The following GRID2 variants were observed in gnomAD, a reference collection of about 807,000 sequenced individuals.
GRID2 encodes the protein glutamate ionotropic receptor delta type subunit 2, also known as glutamate receptor ionotropic, delta-2.
GRID2 carries 33 observed loss-of-function variants against 114.8 expected under a neutral mutation model. The ratio of observed to expected loss-of-function variants is 0.29; its 90% confidence interval spans 0.22 to 0.38. GRID2 has a LOEUF of 0.38. Ranked by LOEUF, GRID2 falls within the 10% of genes least tolerant of loss-of-function variation. The probability of loss-of-function intolerance (pLI) is 1.00; values close to 1 mark genes in which losing one functional copy is unlikely to be tolerated. For missense variants in GRID2, 1,184 were observed against 1,257.7 expected, an observed-to-expected ratio of 0.94 and a Z score of 0.89; for synonymous variants, 505 against 449.9, an observed-to-expected ratio of 1.12 and a Z score of -1.55.
chr4:92,422,907 T>G (rs111402188), intron 1 of GRID2, among the ~76,000 whole-genome samples: 6,536 of 152,258 alleles, frequency 0.043, 153 homozygotes, highest in South Asian at 0.08. Flanking sequence ...TAGTTCAGCA[T>G]ACGCCCAGGA....
chr4:93,075,487 G>A (rs1479852680), intron 2 of GRID2, among the ~76,000 whole-genome samples: 1 of 151,942 alleles, frequency 6.6e-6, no homozygotes, highest in Non-Finnish European at 1.5e-5. Flanking sequence ...AATAAGGCAT[G>A]GAAAAGAAAT....
At chr4:93,422,235 A>G (rs1199219547) in intron 9 of GRID2, among the ~76,000 whole-genome samples, 1 of 152,206 alleles carries the variant, frequency 6.6e-6, no homozygotes, top group African/African-American at 2.4e-5. Context: ...TATTTTTCCA[A>G]TGAAATGTGT....
chr4:93,692,600 G>C (rs1726666162), intron 14 of GRID2, among the ~76,000 whole-genome samples: 1 of 151,836 alleles, frequency 6.6e-6, no homozygotes, highest in Non-Finnish European at 1.5e-5. Context: ...TGTATACTTA[G>C]CCTCATATCA....
At chr4:93,003,780 ACT>A (rs1205918949) in intron 2 of GRID2, among the ~76,000 whole-genome samples, 2 of 151,894 alleles carry the variant, frequency 1.3e-5, no homozygotes, top group Non-Finnish European at 2.9e-5. Context: ...TGTTTCTAAA[ACT>A]CTATTTAATC....
At chr4:93,591,349 G>T (rs1164409739) in intron 13 of GRID2, among the ~76,000 whole-genome samples, 1 of 151,456 alleles carries the variant, frequency 6.6e-6, no homozygotes, top group Non-Finnish European at 1.5e-5. Flanking sequence ...TTTATATGCT[G>T]GATTACATTT....
At chr4:92,733,742 C>T (rs990403463) in intron 2 of GRID2, among the ~76,000 whole-genome samples, 2 of 152,058 alleles carry the variant, frequency 1.3e-5, no homozygotes, top group African/African-American at 2.4e-5. Context: ...TGAGTTAAAT[C>T]AAGTGTAAGA....
intron 1 of GRID2, among the ~76,000 whole-genome samples, chr4:92,474,898 T>C (rs906899677): frequency 1.4e-5 from 2 of 145,132 alleles, no homozygotes; most frequent in East Asian, 2.2e-4. Context: ...ATCAAGTATA[T>C]AATTTGCAAT....
chr4:93,081,778 A>G (rs765766096), intron 2 of GRID2, among the ~76,000 whole-genome samples: 1 of 152,188 alleles, frequency 6.6e-6, no homozygotes, highest in Non-Finnish European at 1.5e-5. Flanking sequence ...TGATCTTTCA[A>G]ATTCAGTTCT....
At chr4:93,371,955 C>T (rs1016700266) in intron 8 of GRID2, among the ~76,000 whole-genome samples, 1 of 151,886 alleles carries the variant, frequency 6.6e-6, no homozygotes, top group Non-Finnish European at 1.5e-5. Flanking sequence ...ACCATGTTGG[C>T]CAGGCTGGTC....
intron 14 of GRID2, among the ~76,000 whole-genome samples, chr4:93,732,868 C>T (rs1277439889): frequency 6.6e-6 from 1 of 151,428 alleles, no homozygotes; most frequent in African/African-American, 2.4e-5. Flanking sequence ...GAAAACAACA[C>T]ATCCCAAGCA....
chr4:92,915,759 T>G (rs1176311649), intron 2 of GRID2, among the ~76,000 whole-genome samples: 2 of 152,178 alleles, frequency 1.3e-5, no homozygotes, highest in African/African-American at 4.8e-5. Flanking sequence ...GTAGCCATTC[T>G]GTCTGGTGTG....
In GRID2 at chr4:93,453,700, A is replaced by G. The variant is rs946379023; in HGVS notation, c.1546-1962A>G. Among the ~76,000 whole-genome samples, 147 of 152,238 alleles carry G rather than the reference A, an allele frequency of 9.7e-4. 1 individual carries two copies. Among genetic ancestry groups the G allele is most frequent in the African/African-American group, 3.5e-3 (144 of 41,566 alleles). ...ACATATAATTATTTATTAGAAAAAT[A>G]TTTGTGAACATTTTATAAATATTAT... On this transcript the variant is annotated intron_variant, in intron 10 of 15. Transcript: ENST00000282020.
intron 11 of GRID2, among the ~76,000 whole-genome samples, chr4:93,471,933 C>T (rs1377949746): frequency 2.7e-5 from 4 of 149,886 alleles, no homozygotes; most frequent in Admixed American, 2.6e-4. Context: ...CTCCCGACCT[C>T]AGGTGGTCCG....
intron 8 of GRID2, among the ~76,000 whole-genome samples, chr4:93,387,972 T>C (rs758793092): frequency 2.6e-5 from 4 of 152,050 alleles, no homozygotes; most frequent in Non-Finnish European, 4.4e-5. Context: ...ATTTAATAAA[T>C]GGGAAGAGGA....
intron 1 of GRID2, among the ~76,000 whole-genome samples, chr4:92,363,772 A>C (rs942030153): frequency 6.7e-6 from 1 of 149,880 alleles, no homozygotes; most frequent in Non-Finnish European, 1.5e-5. Context: ...AAAATAACAC[A>C]TTTTTAAAGT....
chr4:93,503,710 G>A (rs756753231), intron 12 of GRID2, among the ~76,000 whole-genome samples: 8 of 151,772 alleles, frequency 5.3e-5, no homozygotes, highest in Admixed American at 1.3e-4. Context: ...CCAATTCTTC[G>A]CTCACTGCAC....
intron 1 of GRID2, among the ~76,000 whole-genome samples, chr4:92,576,512 C>T (rs1727903762): frequency 6.6e-6 from 1 of 152,118 alleles, no homozygotes; most frequent in Non-Finnish European, 1.5e-5. Flanking sequence ...ATTCAGCCCC[C>T]TTCCTAGGGA....
At chr4:92,533,490 C>T (rs1225034964) in intron 1 of GRID2, among the ~76,000 whole-genome samples, 1 of 144,964 alleles carries the variant, frequency 6.9e-6, no homozygotes, top group African/African-American at 2.5e-5. Context: ...CATACACACA[C>T]AGGGTACCTT....
intron 4 of GRID2, among the ~76,000 whole-genome samples, chr4:93,206,315 T>C (rs1742770688): frequency 6.6e-6 from 1 of 151,670 alleles, no homozygotes; most frequent in African/African-American, 2.4e-5. Flanking sequence ...TTTTTTGTGA[T>C]GCAATGCACC....
Sources: gnomAD v4.1 joint callset for allele counts (sites outside exome capture counted in the v4.1 genomes callset) on GRCh38, gnomAD v4.1.1 for gene constraint, MANE v1.5 for transcripts, NCBI Gene and HGNC (gene_info 2026-07-23, HGNC 2026-07-21) for gene names.